PDXDC1: variants seen among roughly 807,000 people sequenced by gnomAD.
PDXDC1 encodes pyridoxal-dependent decarboxylase domain-containing protein 1.
In PDXDC1, 42 loss-of-function variants were observed where a neutral mutation model predicts 100.1. That is an observed-to-expected ratio of 0.42 (90% CI 0.33 to 0.54). PDXDC1 has a LOEUF of 0.54. PDXDC1 is among the 20% of genes least tolerant of loss of function. PDXDC1 has a pLI of 0.10. For missense variants in PDXDC1, 636 were observed against 979.2 expected (o/e 0.65, Z 4.68); for synonymous variants, 260 against 371.7 (o/e 0.70, Z 3.46).
At chr16:15,071,256 A>G (rs1446755293) in intron 16 of PDXDC1, 1 of 1,602,234 alleles carries the variant, frequency 6.2e-7, no homozygotes, top group South Asian at 1.1e-5. Context: ...GAATCCCTAT[A>G]AAAAGAGAGG....
At chr16:15,137,316 G>A (rs927186174) in intron 16 of PDXDC1, 3 of 1,268,014 alleles carry the variant, frequency 2.4e-6, no homozygotes, top group African/African-American at 1.5e-5. Flanking sequence ...GGAGGCGGCG[G>A]GGGGCCGGAG....
intron 19 of PDXDC1, 171 bp from the exon 20 acceptor site, chr16:15,034,115 A>C (rs546525256): frequency 3.2e-6 from 2 of 616,860 alleles, no homozygotes; most frequent in South Asian, 3.9e-5. Context: ...CTAGGCCTCT[A>C]TGAGCATGTT....
chr16:14,987,758 C>T (rs1352247773), intron 1 of PDXDC1, among the ~76,000 whole-genome samples: 4 of 152,362 alleles, frequency 2.6e-5, no homozygotes, highest in Non-Finnish European at 5.9e-5. Flanking sequence ...ATTACAGGCA[C>T]CCCCCACCAC....
intron 16 of PDXDC1, chr16:15,070,987 T>C (rs2045200319): frequency 5.9e-6 from 4 of 680,210 alleles, no homozygotes; most frequent in Admixed American, 5.7e-5. Flanking sequence ...AATATAAACA[T>C]CTTGCACAGA....
At chr16:15,140,803 C>T (rs749436940), downstream of PDXDC1, among the ~76,000 whole-genome samples, 13 of 152,236 alleles carry the variant, frequency 8.5e-5, no homozygotes, top group African/African-American at 2.4e-4. Context: ...CCTGGTCCCA[C>T]GCACTCCCAG....
chr16:15,132,926 G>A, intron 16 of PDXDC1: 1 of 1,582,488 alleles, frequency 6.3e-7, no homozygotes, highest in Non-Finnish European at 8.6e-7. Flanking sequence ...AGACCGGCAG[G>A]AGGCCAGCAG....
At chr16:14,979,742 T>C (rs1468097660) in intron 1 of PDXDC1, among the ~76,000 whole-genome samples, 2 of 152,402 alleles carry the variant, frequency 1.3e-5, no homozygotes, top group East Asian at 3.9e-4. Flanking sequence ...TTTAGAAAAT[T>C]CTTTGTCACC....
chr16:15,131,091 C>CA, intron 16 of PDXDC1: 3 of 1,606,744 alleles, frequency 1.9e-6, no homozygotes, highest in Non-Finnish European at 2.5e-6. Flanking sequence ...ACGCACCGTC[C>CA]AGCAGCGTAT....
the PDXDC1 span, among the ~76,000 whole-genome samples, chr16:15,150,498 C>G: frequency 2.0e-5 from 3 of 151,714 alleles, no homozygotes; most frequent in East Asian, 5.8e-4. Context: ...AACCCCATCT[C>G]TACTAAAAAT....
chr16:15,022,446 G>T (rs1357106430), intron 12 of PDXDC1, among the ~76,000 whole-genome samples: 3 of 152,290 alleles, frequency 2.0e-5, no homozygotes, highest in African/African-American at 4.8e-5. Context: ...TTGAATGACA[G>T]ACTTACATTG....
the PDXDC1 span, among the ~76,000 whole-genome samples, chr16:15,146,424 G>A: frequency 1.3e-5 from 2 of 152,144 alleles, no homozygotes; most frequent in Non-Finnish European, 2.9e-5. Context: ...TACGTCAAAA[G>A]AACAAAAGGA....
downstream of PDXDC1, chr16:15,038,690 A>G (rs2043661978): frequency 2.7e-6 from 4 of 1,485,706 alleles, no homozygotes; most frequent in Non-Finnish European, 3.7e-6. Context: ...CTAATCATCT[A>G]AAAAAGAACG....
chr16:15,052,133 G>A (rs918793159), intron 16 of PDXDC1, among the ~76,000 whole-genome samples: 1 of 152,070 alleles, frequency 6.6e-6, no homozygotes, highest in Non-Finnish European at 1.5e-5. Flanking sequence ...GTAAATATTT[G>A]GGGTTCTACA....
chr16:14,983,311 G>T (rs1349700635), intron 1 of PDXDC1, among the ~76,000 whole-genome samples: 1 of 152,268 alleles, frequency 6.6e-6, no homozygotes, highest in African/African-American at 2.4e-5. Context: ...GGTGGCTCAT[G>T]CCTGTAATCT....
rs1377351020 is a variant in PDXDC1, at chr16:15,087,727, G to C, written c.1400-51152G>C. On this transcript the variant is annotated intron_variant, in intron 16 of 16. Transcript: ENST00000535621. The stretch of plus-strand genomic sequence containing the variant: ...CAAAGGCATGTAGAAAACAAGCTAA[G>C]TTAGTGTACAAATAAAATAAACTAT... 3.3e-5 allele frequency among the ~76,000 whole-genome samples: 5 copies of C among 152,204 alleles called. No homozygotes were observed. In the East Asian group the frequency reaches 9.6e-4, roughly 29 times the overall value.
chr16:15,093,556 T>A (rs2046226228), intron 16 of PDXDC1, among the ~76,000 whole-genome samples: 1 of 152,174 alleles, frequency 6.6e-6, no homozygotes, highest in Non-Finnish European at 1.5e-5. Context: ...AGGAGCTCGA[T>A]AATTATTATG....
chr16:15,067,048 G>A lies in PDXDC1; in HGVS notation c.1399+36992G>A, dbSNP rs556506802. ...TGAGCTGCTCACCATCTTAACCAAC[G>A]TGCTGAAGCCTCCACCCACTCACTG... On this transcript the variant is annotated intron_variant, in intron 16 of 16. Transcript: ENST00000535621. Among the ~76,000 whole-genome samples, 6 of 143,586 alleles carry A rather than the reference G, an allele frequency of 4.2e-5. No individual in the cohort carries two copies. In the East Asian group the frequency reaches 8.3e-4, roughly 20 times the overall value. 94.2% of individuals were successfully genotyped at this position (143,586 alleles called of 152,430 possible).
Position 15,083,405 on chromosome 16 carries a change from G to C in PDXDC1, c.1399+53349G>C, listed in dbSNP as rs1477126437. ...CAGAGTGAGACTCGGTCTCAAAAAAGAAAAAGAAAAAGAAAGACTGGAAAA... is the reference window on the plus strand; with the variant it reads ...CAGAGTGAGACTCGGTCTCAAAAAACAAAAAGAAAAAGAAAGACTGGAAAA... On this transcript the variant is annotated intron_variant, in intron 16 of 16. Transcript: ENST00000535621. The C allele has an allele frequency of 8.7e-6, 13 of 1,492,772 alleles. No homozygotes were observed. In the East Asian group the frequency reaches 2.7e-4, roughly 30 times the overall value. 92.5% of individuals were successfully genotyped at this position (1,492,772 alleles called of 1,614,324 possible).
In PDXDC1 at chr16:15,133,718, C is replaced by T. The variant is rs898843801; in HGVS notation, c.1400-5161C>T. ...GTCATGCCAGCCTGAGGGACGGTCCCCATGGCATCACGGGAGGGCTCCGTG... is the reference window on the plus strand; with the variant it reads ...GTCATGCCAGCCTGAGGGACGGTCCTCATGGCATCACGGGAGGGCTCCGTG... On this transcript the variant is annotated intron_variant, in intron 16 of 16. Transcript: ENST00000535621. 5 of 1,605,690 alleles carry T rather than the reference C, an allele frequency of 3.1e-6. No individual in the cohort carries two copies. In the African/African-American group the frequency reaches 4.0e-5, roughly 13 times the overall value.
Sources: gnomAD v4.1 joint callset for allele counts (sites outside exome capture counted in the v4.1 genomes callset) on GRCh38, gnomAD v4.1.1 for gene constraint, MANE v1.5 for transcripts, NCBI Gene and HGNC (gene_info 2026-07-23, HGNC 2026-07-21) for gene names.